Variants in RUNX1 observed in about 807,000 individuals in gnomAD.
RUNX1 encodes the protein RUNX family transcription factor 1.
RUNX1 carries 19 observed loss-of-function variants against 42.8 expected under a neutral mutation model. The observed-to-expected ratio is 0.44, with a 90% CI of 0.31 to 0.65. The LOEUF is 0.65. Ranked by LOEUF, RUNX1 falls within the 30% of genes least tolerant of loss-of-function variation. RUNX1 has a pLI of 0.07. For missense variants in RUNX1, 528 were observed against 672.0 expected (o/e 0.79, Z 2.37); for synonymous variants, 271 against 289.4 (o/e 0.94, Z 0.64).
At chr21:34,961,987 G>A (rs2058685194) in intron 2 of RUNX1, among the ~76,000 whole-genome samples, 2 of 152,062 alleles carry the variant, frequency 1.3e-5, no homozygotes. Context: ...CAATCTCCTG[G>A]GCTCAAGTGA....
chr21:34,830,533 T>C (rs759317333), intron 7 of RUNX1, among the ~76,000 whole-genome samples: 28 of 152,200 alleles, frequency 1.8e-4, no homozygotes, highest in Non-Finnish European at 3.2e-4. Context: ...CCTTTGGTGA[T>C]TGGGATTCTT....
chr21:35,010,702 G>GA (rs1178208633), intron 2 of RUNX1, among the ~76,000 whole-genome samples: 2 of 151,648 alleles, frequency 1.3e-5, no homozygotes, highest in Admixed American at 6.6e-5. Context: ...TTCCCATTTA[G>GA]AAAAAAATGT....
intron 3 of RUNX1, chr21:34,887,406 C>T: frequency 7.2e-7 from 1 of 1,391,448 alleles, no homozygotes; most frequent in Non-Finnish European, 9.3e-7. Context: ...ACGAATCTTG[C>T]TTGCAGAGGT....
At chr21:34,962,768 A>G (rs978990744) in intron 2 of RUNX1, among the ~76,000 whole-genome samples, 5 of 152,244 alleles carry the variant, frequency 3.3e-5, no homozygotes, top group Non-Finnish European at 7.3e-5. Flanking sequence ...GATGGGGAAC[A>G]TGGCGTTTCT....
chr21:34,935,266 G>A (rs1308891795), intron 2 of RUNX1, among the ~76,000 whole-genome samples: 1 of 151,842 alleles, frequency 6.6e-6, no homozygotes, highest in Non-Finnish European at 1.5e-5. Context: ...TTTCCTTCAC[G>A]GAGTCATAGC....
intron 2 of RUNX1, among the ~76,000 whole-genome samples, chr21:34,930,289 T>TATATATATATATATATATATATATAA (rs1555906453): frequency 1.1e-3 from 157 of 137,110 alleles, no homozygotes; most frequent in African/African-American, 4.5e-3. Flanking sequence ...TATATATATA[T>TATATATATATATATATATATATATAA]ATAAATAAAT....
chr21:34,832,785 CATT>C (rs2057081927), intron 7 of RUNX1, among the ~76,000 whole-genome samples: 1 of 152,102 alleles, frequency 6.6e-6, no homozygotes, highest in African/African-American at 2.4e-5. Flanking sequence ...CATTTTAAAT[CATT>C]ATTAATGATT....
At chr21:34,868,354 T>C (rs2057692211) in intron 5 of RUNX1, among the ~76,000 whole-genome samples, 1 of 152,176 alleles carries the variant, frequency 6.6e-6, no homozygotes, top group Non-Finnish European at 1.5e-5. Context: ...AAGCCAAGTA[T>C]CTTTCCACAA....
Position 34,792,443 on chromosome 21 carries a change from T to C in RUNX1, c.1135A>G (p.Thr379Ala). Residue 379 changes from threonine to alanine, a missense_variant, in exon 9 of 9, where the codon ACC becomes GCC. This residue lies in a region of RUNX1 where 331 missense variants were observed against 382.5 expected (regional missense o/e 0.87). Coordinates refer to ENST00000675419, the MANE Select transcript of RUNX1 (RefSeq NM_001754.5). This position sits in a 1 kb window ranked among gnomAD's most constrained non-coding sequence, Gnocchi z 6.9. ...CCGGGGTAGGGCGGCGGCAGGTAGG[T>C]GTGGTAGCGCGTGGCCGAGCCCATG... ...SAMGSATRYHTYLPPPYPGSS... is the reference protein window; with the variant it reads ...SAMGSATRYHAYLPPPYPGSS... 12 of 1,574,500 alleles carry C rather than the reference T, an allele frequency of 7.6e-6. No homozygotes were observed. The highest frequency in any genetic ancestry group is 1.0e-5 in the Non-Finnish European group (12 of 1,160,488).
intron 6 of RUNX1, among the ~76,000 whole-genome samples, chr21:34,851,101 A>G (rs1175386562): frequency 6.6e-6 from 1 of 152,208 alleles, no homozygotes; most frequent in Non-Finnish European, 1.5e-5. Context: ...GCCAAAATGG[A>G]GACCTCAACC....
At chr21:34,827,468 C>G (rs771946850) in intron 7 of RUNX1, among the ~76,000 whole-genome samples, 1 of 152,112 alleles carries the variant, frequency 6.6e-6, no homozygotes, top group African/African-American at 2.4e-5. Flanking sequence ...CAACCATTTG[C>G]CAAAGAGATT....
chr21:35,040,942 C>T (rs540962138), intron 2 of RUNX1, among the ~76,000 whole-genome samples: 129 of 152,194 alleles, frequency 8.5e-4, no homozygotes, highest in Non-Finnish European at 1.6e-3. Context: ...TCTTTAGGAT[C>T]TACTAACAAT....
At chr21:34,839,959 C>T (rs1452574916) in intron 6 of RUNX1, among the ~76,000 whole-genome samples, 2 of 152,172 alleles carry the variant, frequency 1.3e-5, no homozygotes, top group Non-Finnish European at 2.9e-5. Context: ...TTGGTGATAA[C>T]TATTTGGCCG....
rs1307737990 is a variant in RUNX1 at position 34,889,883 on chromosome 21, G to A, written c.98-2787C>T. On this transcript the variant is annotated intron_variant, in intron 3 of 8. Transcript: ENST00000675419. ...CCCTGCCGGGCCCTGCACCTCCCGGGGCCTCTCATCCACCCCGGGGCTGCA... is the reference window on the plus strand; with the variant it reads ...CCCTGCCGGGCCCTGCACCTCCCGGAGCCTCTCATCCACCCCGGGGCTGCA... 5.6e-6 allele frequency: 6 copies of A among 1,069,272 alleles called. No homozygotes were observed. In the African/African-American group the frequency reaches 9.9e-5, roughly 18 times the overall value. The allele number at this position is 1,069,272 out of a possible 1,614,324, so 66.2% of individuals were successfully genotyped here.
chr21:34,885,779 T>A (rs979521653), intron 4 of RUNX1, among the ~76,000 whole-genome samples: 1 of 152,218 alleles, frequency 6.6e-6, no homozygotes, highest in Non-Finnish European at 1.5e-5. Context: ...ATCTTTACAC[T>A]TGGAACCACC....
chr21:34,988,589 C>T (rs1444158276), intron 2 of RUNX1, among the ~76,000 whole-genome samples: 2 of 152,210 alleles, frequency 1.3e-5, no homozygotes, highest in African/African-American at 4.8e-5. Flanking sequence ...CCCCTAGGAC[C>T]TGCTGAGATG....
At chr21:34,928,908 G>A (rs549577084) in intron 2 of RUNX1, among the ~76,000 whole-genome samples, 53 of 150,024 alleles carry the variant, frequency 3.5e-4, no homozygotes, top group African/African-American at 1.2e-3. Flanking sequence ...GTTAAGTTTC[G>A]GGGCTCAGAA....
In RUNX1 at chr21:34,792,394, G is replaced by A. The variant is rs868527382; in HGVS notation, c.1184C>T (p.Pro395Leu). The change falls in exon 9 of 9, where the codon CCG becomes CTG. Residue 395 changes from proline (P) to leucine (L), a missense_variant. Pro to Leu is a moderately conservative substitution (Grantham distance 98, BLOSUM62 -3). This residue lies in a region of RUNX1 where 331 missense variants were observed against 382.5 expected (regional missense o/e 0.87). Transcript: ENST00000675419. This position sits in a 1 kb window ranked among gnomAD's most constrained non-coding sequence, Gnocchi z 6.9. ...GTAGGAGGGCGAGCTGGCTTGGAAC[G>A]GGCCTCCCTGCGCTTGCGACGAGCC... ...YPGSSQAQGG[P>L]FQASSPSYHL... is the part of the protein sequence containing the mutation. 1.5e-5 allele frequency: 23 copies of A among 1,565,898 alleles called. No individual in the cohort carries two copies. Among genetic ancestry groups the A allele is most frequent in the Middle Eastern group, 3.3e-4 (2 of 6,022 alleles).
intron 2 of RUNX1, among the ~76,000 whole-genome samples, chr21:34,922,242 T>C (rs4816501): frequency 0.77 from 117,744 of 152,014 alleles, 48,056 homozygotes; most frequent in South Asian, 0.93. Flanking sequence ...AGACAGCAGT[T>C]GTGCTTTGCC....
Sources: gnomAD v4.1 joint callset for allele counts (sites outside exome capture counted in the v4.1 genomes callset) on GRCh38, gnomAD v4.1.1 for gene constraint, gnomAD v4.1.1 regional missense constraint, Gnocchi (gnomAD v3.1) non-coding constraint, MANE v1.5 for transcripts, NCBI Gene and HGNC (gene_info 2026-07-23, HGNC 2026-07-21) for gene names.